KLHL18: variants seen among roughly 807,000 people sequenced by gnomAD.
KLHL18 encodes the protein kelch-like protein 18.
In KLHL18, 38 loss-of-function variants were observed where a neutral mutation model predicts 58.5. That is an observed-to-expected ratio of 0.65 (90% CI 0.50 to 0.85). KLHL18 has a LOEUF of 0.85. Ranked by LOEUF, KLHL18 falls within the 40% of genes least tolerant of loss-of-function variation. The pLI is 0.00. For missense variants in KLHL18, 624 were observed against 778.4 expected (o/e 0.80, Z 2.36); for synonymous variants, 303 against 301.9 (o/e 1.00, Z -0.04).
chr3:47,307,563 T>TA (rs913118949), intron 1 of KLHL18, among the ~76,000 whole-genome samples: 8 of 151,554 alleles, frequency 5.3e-5, no homozygotes, highest in African/African-American at 7.3e-5. Flanking sequence ...TTGTATTTTA[T>TA]AAAAAAAATA....
chr3:47,311,014 T>C (rs1703286138), intron 1 of KLHL18, among the ~76,000 whole-genome samples: 2 of 135,252 alleles, frequency 1.5e-5, no homozygotes, highest in South Asian at 4.5e-4. Flanking sequence ...TTCCTGATAC[T>C]TTTTTTTTTT....
At chr3:47,323,351 C>T (rs1703633011) in intron 3 of KLHL18, among the ~76,000 whole-genome samples, 1 of 152,208 alleles carries the variant, frequency 6.6e-6, no homozygotes, top group Non-Finnish European at 1.5e-5. Flanking sequence ...GCTTGGATTA[C>T]AGGCATAAGC....
intron 1 of KLHL18, among the ~76,000 whole-genome samples, chr3:47,295,325 G>T (rs574368073): frequency 5.9e-5 from 9 of 152,252 alleles, no homozygotes; most frequent in African/African-American, 2.2e-4. Flanking sequence ...GAGTCCTGCA[G>T]ATGTGGCCCC....
At chr3:47,302,293 T>C (rs1324263767) in intron 1 of KLHL18, among the ~76,000 whole-genome samples, 1 of 152,174 alleles carries the variant, frequency 6.6e-6, no homozygotes, top group African/African-American at 2.4e-5. Flanking sequence ...AAGACCATTC[T>C]GGCCAACATG....
At chr3:47,307,545 T>A (rs1703179299) in intron 1 of KLHL18, among the ~76,000 whole-genome samples, 1 of 151,998 alleles carries the variant, frequency 6.6e-6, no homozygotes, top group Admixed American at 6.5e-5. Context: ...TTTCTTCTTT[T>A]TTTTTTTTTG....
chr3:47,343,463 ATCATGG>A, intron 9 of KLHL18, 86 bp from the exon 10 acceptor site: 1 of 1,452,742 alleles, frequency 6.9e-7, no homozygotes, highest in Non-Finnish European at 9.5e-7. Context: ...GGAGTTTGAC[ATCATGG>A]GGGGCTGCTG....
intron 1 of KLHL18, among the ~76,000 whole-genome samples, chr3:47,290,647 A>C (rs1309739243): frequency 6.6e-6 from 1 of 151,784 alleles, no homozygotes; most frequent in Non-Finnish European, 1.5e-5. Flanking sequence ...ATTTTTTGAG[A>C]GATGGGGCCT....
chr3:47,333,044 G>A (rs1703900382), intron 4 of KLHL18, 113 bp from the exon 5 acceptor site: 1 of 1,055,726 alleles, frequency 9.5e-7, no homozygotes, highest in East Asian at 2.5e-5. Flanking sequence ...AGAAAAGATT[G>A]ATGGGCCCAA....
intron 1 of KLHL18, among the ~76,000 whole-genome samples, chr3:47,298,603 T>C (rs972316231): frequency 6.6e-5 from 10 of 152,206 alleles, no homozygotes; most frequent in African/African-American, 1.9e-4. Flanking sequence ...AAGTTAGTTA[T>C]ATCAGGCCAC....
chr3:47,285,418 T>G (rs191245401), intron 1 of KLHL18, among the ~76,000 whole-genome samples: 1 of 152,294 alleles, frequency 6.6e-6, no homozygotes, highest in African/African-American at 2.4e-5. Context: ...AATTTCTAGA[T>G]TAAAATTTAG....
intron 9 of KLHL18, 30 bp from the exon 10 acceptor site, chr3:47,343,525 C>T (rs551550044): frequency 4.3e-6 from 7 of 1,611,780 alleles, no homozygotes; most frequent in Admixed American, 1.7e-5. Context: ...CTCTGACTGT[C>T]CTGTACCTGT....
intron 1 of KLHL18, among the ~76,000 whole-genome samples, chr3:47,318,126 A>T (rs1703498936): frequency 6.6e-6 from 1 of 152,198 alleles, no homozygotes; most frequent in African/African-American, 2.4e-5. Context: ...TGGCCTCCCA[A>T]AGTGCTGGGA....
intron 1 of KLHL18, chr3:47,297,537 C>T (rs1319834219): frequency 2.6e-5 from 12 of 456,566 alleles, no homozygotes; most frequent in Non-Finnish European, 5.3e-5. Context: ...GCCTCACCAT[C>T]TTTTTCTTGA....
chr3:47,310,547 C>G (rs996035072), intron 1 of KLHL18, among the ~76,000 whole-genome samples: 1 of 152,208 alleles, frequency 6.6e-6, no homozygotes, highest in African/African-American at 2.4e-5. Flanking sequence ...TGAGCCCAGA[C>G]TTATCTCTGT....
At chr3:47,306,465 T>C (rs966549133) in intron 1 of KLHL18, among the ~76,000 whole-genome samples, 8 of 152,370 alleles carry the variant, frequency 5.3e-5, no homozygotes, top group Non-Finnish European at 8.8e-5. Flanking sequence ...AGCTTTTAAT[T>C]CATTCATTTT....
At chr3:47,306,072 T>C (rs1703141600) in intron 1 of KLHL18, among the ~76,000 whole-genome samples, 1 of 151,940 alleles carries the variant, frequency 6.6e-6, no homozygotes, top group Non-Finnish European at 1.5e-5. Context: ...TCTGCTCCTT[T>C]TAATTTCCTT....
intron 1 of KLHL18, among the ~76,000 whole-genome samples, chr3:47,314,095 T>G (rs1703368795): frequency 6.6e-6 from 1 of 152,082 alleles, no homozygotes; most frequent in South Asian, 2.1e-4. Context: ...TGGAGTGCAG[T>G]GACAATTATA....
intron 8 of KLHL18, among the ~76,000 whole-genome samples, chr3:47,342,489 A>G (rs1704130733): frequency 6.6e-6 from 1 of 152,220 alleles, no homozygotes; most frequent in African/African-American, 2.4e-5. Context: ...GAGGTCTTGT[A>G]TGAGACAATG....
At chr3:47,322,388 C>T (rs955501816) in intron 2 of KLHL18, among the ~76,000 whole-genome samples, 180 bp from the exon 3 acceptor site, 3 of 152,108 alleles carry the variant, frequency 2.0e-5, no homozygotes, top group African/African-American at 7.2e-5. Flanking sequence ...TTAGAATTTT[C>T]TGTAGGGCAA....
Sources: allele counts gnomAD v4.1 joint callset (sites outside exome capture counted in the v4.1 genomes callset), GRCh38; gene constraint gnomAD v4.1.1; transcripts MANE v1.5; gene names NCBI Gene and HGNC (gene_info 2026-07-23, HGNC 2026-07-21).